The following NOC3L variants were observed in gnomAD, a reference collection of about 807,000 sequenced individuals.
The protein encoded by NOC3L is NOC3 like DNA replication regulator, also known as nucleolar complex protein 3 homolog.
In NOC3L, 85 loss-of-function variants were observed where a neutral mutation model predicts 102.5. The observed-to-expected ratio is 0.83, with a 90% CI of 0.70 to 0.99. The LOEUF is 0.99. Among genes scored for constraint, NOC3L ranks in the 50% least tolerant of loss-of-function variants. NOC3L has a pLI of 0.00. For missense variants in NOC3L, 878 were observed against 914.9 expected (o/e 0.96, Z 0.52); for synonymous variants, 303 against 309.4 (o/e 0.98, Z 0.22).
chr10:94,333,256 C>A lies in NOC3L; in HGVS notation c.*921G>T, dbSNP rs1428058204. On this transcript the variant is annotated 3_prime_UTR_variant, in exon 21 of 21. Transcript: ENST00000371361. ...AGCAGAAAAAAACAGCTGTTTTATT[C>A]AACTATTCACAATAGAGAATATTTA... 1 of 152,100 alleles carries A rather than the reference C, an allele frequency of 6.6e-6. No individual in the cohort carries two copies. Among genetic ancestry groups the A allele is most frequent in the Admixed American group, 6.6e-5 (1 of 15,254 alleles). 9.4% of individuals were successfully genotyped at this position (152,100 alleles called of 1,614,324 possible). A position where few individuals can be genotyped will look rare whatever the true frequency, so the allele number is the denominator to read the frequency against.
the NOC3L span, chr10:94,321,817 A>T: frequency 1.8e-5 from 18 of 990,860 alleles, no homozygotes; most frequent in Non-Finnish European, 2.5e-5. Flanking sequence ...TCACCAAGAT[A>T]CAAGCTCAGA....
At chr10:94,346,987 G>A (rs531736158) in intron 10 of NOC3L, among the ~76,000 whole-genome samples, 1 of 152,264 alleles carries the variant, frequency 6.6e-6, no homozygotes, top group Middle Eastern at 3.4e-3. Flanking sequence ...ATTCCCAGCT[G>A]ATGCTGGTCT....
intron 13 of NOC3L, among the ~76,000 whole-genome samples, chr10:94,342,792 G>C (rs1379981787): frequency 6.6e-6 from 1 of 150,698 alleles, no homozygotes; most frequent in African/African-American, 2.4e-5. Flanking sequence ...TTGCATGAAA[G>C]ATGGCAGGCA....
chr10:94,356,682 C>A, intron 4 of NOC3L, 91 bp from the exon 5 acceptor site: 1 of 772,322 alleles, frequency 1.3e-6, no homozygotes, highest in Non-Finnish European at 2.2e-6. Flanking sequence ...CGATAAAACT[C>A]AGGATAGCAG....
intron 13 of NOC3L, 104 bp downstream of exon 13, chr10:94,344,311 A>C (rs1206785843): frequency 3.2e-6 from 2 of 627,302 alleles, no homozygotes; most frequent in African/African-American, 1.8e-5. Flanking sequence ...CAGAAAAGGA[A>C]TGAGAACTGA....
At position 94,346,487 on chromosome 10, in the gene NOC3L, T is replaced by C. The variant is rs143037759; in HGVS notation, c.1327A>G (p.Lys443Glu). ...EVKKDTEDIN[K>E]PKKFMTFKEK... ...TTGAAAGTCATAAATTTTTTTGGTT[T>C]ATTAATGTCTTCTGTATCTTTTTTC... The change falls in exon 11 of 21, where the codon AAA (lysine) becomes GAA (glutamate). Residue 443 changes from lysine (K) to glutamate (E), a missense_variant. Physicochemically the swap from Lys to Glu is moderately conservative, Grantham distance 56. Coordinates refer to ENST00000371361, the MANE Select transcript of NOC3L (RefSeq NM_022451.11). 1.1e-5 allele frequency: 16 copies of C among 1,499,894 alleles called. No homozygotes were observed. In the African/African-American group the frequency reaches 2.0e-4, roughly 19 times the overall value. The allele number at this position is 1,499,894 out of a possible 1,614,324, so 92.9% of individuals were successfully genotyped here. A position where few individuals can be genotyped will look rare whatever the true frequency, so the allele number is the denominator to read the frequency against.
At chr10:94,325,043 G>C in the NOC3L span, 18 of 1,614,218 alleles carry the variant, frequency 1.1e-5, no homozygotes, top group Non-Finnish European at 1.4e-5. Flanking sequence ...CCTGTGGGTG[G>C]CTTGTCCTCC....
At chr10:94,327,918 T>A in the NOC3L span, 1 of 513,214 alleles carries the variant, frequency 1.9e-6, no homozygotes, top group Non-Finnish European at 4.0e-6. Context: ...CAAGTGTTTC[T>A]GTTTCTTCAT....
the NOC3L span, among the ~76,000 whole-genome samples, chr10:94,316,312 GAA>G: frequency 6.6e-6 from 1 of 152,170 alleles, no homozygotes; most frequent in Admixed American, 6.5e-5. Flanking sequence ...CCAGCAGTGG[GAA>G]AAAATAGTTA....
intron 10 of NOC3L, among the ~76,000 whole-genome samples, chr10:94,348,350 C>G (rs1161868254): frequency 6.6e-6 from 1 of 151,650 alleles, no homozygotes; most frequent in Non-Finnish European, 1.5e-5. Flanking sequence ...AGGCTGAACA[C>G]AGAATTAAAA....
At chr10:94,334,529 T>TAA (rs376203023) in intron 20 of NOC3L, 105 bp downstream of exon 20, 118 of 697,386 alleles carry the variant, frequency 1.7e-4, no homozygotes, top group African/African-American at 2.8e-4. Context: ...TCCTAAACAT[T>TAA]AAAAAAAAAA....
chr10:94,315,769 CAAAAA>C, the NOC3L span, among the ~76,000 whole-genome samples: 1 of 122,870 alleles, frequency 8.1e-6, no homozygotes. Flanking sequence ...GACTCTGTCT[CAAAAA>C]AAAAAAAAAA....
At chr10:94,341,143 G>A (rs546082205) in intron 14 of NOC3L, among the ~76,000 whole-genome samples, 108 of 151,730 alleles carry the variant, frequency 7.1e-4, no homozygotes, top group African/African-American at 2.4e-3. Context: ...ACTGCACTCC[G>A]GCCTGGGCAA....
At chr10:94,325,293 C>T in the NOC3L span, 3 of 553,000 alleles carry the variant, frequency 5.4e-6, no homozygotes, top group South Asian at 4.0e-5. Context: ...TATTGAACAC[C>T]GCCTATAAAG....
chr10:94,347,114 G>C (rs1026055283), intron 10 of NOC3L, among the ~76,000 whole-genome samples: 1 of 150,462 alleles, frequency 6.6e-6, no homozygotes, highest in Admixed American at 6.6e-5. Flanking sequence ...AGAACAAAAG[G>C]GGTTTAAAAT....
In NOC3L at chr10:94,346,443, TAGAG is replaced by T. The variant is rs2054344174; in HGVS notation, c.1367_1370del (p.Ser456TyrfsTer15). 1 of 1,506,708 alleles carries T rather than the reference TAGAG, an allele frequency of 6.6e-7. No homozygotes were observed. The highest frequency in any genetic ancestry group is 8.9e-7 in the Non-Finnish European group (1 of 1,126,886). The allele number at this position is 1,506,708 out of a possible 1,614,324, so 93.3% of individuals were successfully genotyped here. A position where few individuals can be genotyped will look rare whatever the true frequency, so the allele number is the denominator to read the frequency against. On this transcript the variant is annotated frameshift_variant, in exon 11 of 21. Transcript: ENST00000371361. LOFTEE classifies it high-confidence loss of function. ...GTCAAACCTTTCTCTGCATTCTTGA[TAGAG>T]ATTTTCTCTTTTCTTTGAAAGTCAT...
intron 6 of NOC3L, among the ~76,000 whole-genome samples, chr10:94,353,575 G>C (rs1391478628): frequency 2.6e-5 from 4 of 152,068 alleles, no homozygotes; most frequent in Non-Finnish European, 4.4e-5. Flanking sequence ...CCTCCCACCA[G>C]GCCCACTTCC....
At chr10:94,324,285 T>C in the NOC3L span, 21 of 1,306,540 alleles carry the variant, frequency 1.6e-5, no homozygotes, top group Admixed American at 3.4e-5. Flanking sequence ...AAGTTTCATA[T>C]AGAATGAATG....
chr10:94,347,234 T>C (rs940779363), intron 10 of NOC3L, among the ~76,000 whole-genome samples: 16 of 152,140 alleles, frequency 1.1e-4, no homozygotes, highest in Non-Finnish European at 7.4e-5. Context: ...TGTTCCAATA[T>C]GCACATTTGG....
Sources: allele counts gnomAD v4.1 joint callset (sites outside exome capture counted in the v4.1 genomes callset), GRCh38; gene constraint gnomAD v4.1.1; transcripts MANE v1.5; gene names NCBI Gene and HGNC (gene_info 2026-07-23, HGNC 2026-07-21).